Variants in ADGB observed in about 807,000 individuals in gnomAD.
The protein encoded by ADGB is calpain-7-like protein.
A neutral mutation model predicts 210.5 loss-of-function variants in ADGB; 172 were observed. The observed-to-expected ratio is 0.82, with a 90% CI of 0.72 to 0.93. The LOEUF (loss-of-function observed/expected upper bound fraction) is 0.93, where lower values mean the gene tolerates loss of function less well. Among genes scored for constraint, ADGB ranks in the 40% least tolerant of loss-of-function variants. ADGB has a pLI of 0.00. For synonymous variants in ADGB, 658 were observed against 662.7 expected (o/e 0.99, Z 0.11); for missense variants, 2,025 against 1,964.8 (o/e 1.03, Z -0.58).
chr6:146,724,230 G>T lies in ADGB; in HGVS notation c.2140G>T (p.Ala714Ser). 1.3e-6 allele frequency: 2 copies of T among 1,551,094 alleles called. No homozygotes were observed. Among genetic ancestry groups the T allele is most frequent in the South Asian group, 2.4e-5 (2 of 83,872 alleles). Residue 714 changes from alanine to serine, a missense_variant, in exon 18 of 36, where the codon GCT becomes TCT. Transcript: ENST00000397944. ...TCCCATAGAGCCTGGACTTCTCACA[G>T]CTGAAACGTTTTCTTGGAAATCCCT... is the stretch of plus-strand genomic sequence containing the variant. ...SPPIEPGLLT[A>S]ETFSWKSLKP...
At chr6:146,801,587 A>C (rs1778133855) in intron 34 of ADGB, among the ~76,000 whole-genome samples, 1 of 152,246 alleles carries the variant, frequency 6.6e-6, no homozygotes, top group Admixed American at 6.5e-5. Context: ...CAATCACCTC[A>C]TCAAGTGGTG....
At chr6:146,606,033 A>G (rs1398851321) in intron 1 of ADGB, among the ~76,000 whole-genome samples, 1 of 152,180 alleles carries the variant, frequency 6.6e-6, no homozygotes, top group Non-Finnish European at 1.5e-5. Flanking sequence ...ACCAATTTAC[A>G]TACCCACCAC....
chr6:146,811,050 C>A (rs948049653), intron 35 of ADGB, among the ~76,000 whole-genome samples: 1 of 152,054 alleles, frequency 6.6e-6, no homozygotes, highest in African/African-American at 2.4e-5. Context: ...TACATCTGCC[C>A]ACTTGTATAT....
chr6:146,706,850 T>TTTG (rs1554235865), intron 13 of ADGB, among the ~76,000 whole-genome samples: 4 of 150,412 alleles, frequency 2.7e-5, no homozygotes, highest in African/African-American at 7.3e-5. Context: ...TTAGTGTTTT[T>TTTG]TTTTTTTTTT....
intron 4 of ADGB, among the ~76,000 whole-genome samples, chr6:146,654,871 T>A (rs940486936): frequency 1.3e-5 from 2 of 152,122 alleles, no homozygotes; most frequent in African/African-American, 4.8e-5. Context: ...CAATACAATA[T>A]TGTTAACTAC....
Position 146,599,016 on chromosome 6 carries a change from A to T in ADGB, c.-25A>T. ...CCCGCAGGCTCTTTGCTCAGAGCTC[A>T]GCCCTACATAGATCGGCTTCTGCCA... On this transcript the variant is annotated 5_prime_UTR_variant, in exon 1 of 36. Coordinates refer to ENST00000397944, the MANE Select transcript of ADGB (RefSeq NM_024694.4). The T allele has an allele frequency of 6.5e-7, 1 of 1,547,086 alleles. No homozygotes were observed. Among genetic ancestry groups the T allele is most frequent in the Non-Finnish European group, 8.7e-7 (1 of 1,142,880 alleles).
At chr6:146,727,975 G>T (rs142969726) in intron 19 of ADGB, among the ~76,000 whole-genome samples, 17 of 152,254 alleles carry the variant, frequency 1.1e-4, no homozygotes, top group African/African-American at 3.9e-4. Flanking sequence ...GGGGAAAAAA[G>T]TTGTTTTGTT....
At chr6:146,790,624 G>T (rs2114653361) in intron 33 of ADGB, among the ~76,000 whole-genome samples, 1 of 152,214 alleles carries the variant, frequency 6.6e-6, no homozygotes, top group East Asian at 1.9e-4. Flanking sequence ...TCAACATATT[G>T]GCTGTTGTGA....
chr6:146,709,960 C>A (rs912036042), intron 13 of ADGB, among the ~76,000 whole-genome samples: 1 of 151,964 alleles, frequency 6.6e-6, no homozygotes, highest in Non-Finnish European at 1.5e-5. Flanking sequence ...TTGCAGGGGG[C>A]AAATACAGGA....
intron 13 of ADGB, among the ~76,000 whole-genome samples, chr6:146,708,357 T>C (rs1326120350): frequency 6.6e-6 from 1 of 152,122 alleles, no homozygotes; most frequent in African/African-American, 2.4e-5. Context: ...ACCATTCTTT[T>C]CTTTCAGCTT....
chr6:146,602,697 C>A (rs547340917), intron 1 of ADGB, among the ~76,000 whole-genome samples: 169 of 152,304 alleles, frequency 1.1e-3, no homozygotes, highest in African/African-American at 4.0e-3. Flanking sequence ...CAGTACCAGT[C>A]CATGGCCTGT....
Position 146,756,283 on chromosome 6 carries a change from C to T in ADGB, c.3550+3569C>T, listed in dbSNP as rs183958809. 5.7e-4 allele frequency among the ~76,000 whole-genome samples: 87 copies of T among 152,202 alleles called. No homozygotes were observed. The East Asian group carries it at 7.9e-3, about 14-fold the overall frequency. On this transcript the variant is annotated intron_variant, in intron 27 of 35. Coordinates refer to ENST00000397944, the MANE Select transcript of ADGB (RefSeq NM_024694.4). ...AGTCTATAATACAAATCCTTCCTAC[C>T]ATTCTCCCCAGAGCTTTCTGCAAGA...
At chr6:146,666,401 T>C (rs1775937144) in intron 6 of ADGB, among the ~76,000 whole-genome samples, 1 of 152,072 alleles carries the variant, frequency 6.6e-6, no homozygotes, top group Non-Finnish European at 1.5e-5. Context: ...TTGCCATAGA[T>C]GAGACTGATC....
chr6:146,759,932 G>C (rs1419870493), intron 27 of ADGB, among the ~76,000 whole-genome samples: 2 of 151,556 alleles, frequency 1.3e-5, no homozygotes, highest in Non-Finnish European at 3.0e-5. Context: ...AATTTTAAGT[G>C]CTTTCCCATT....
At chr6:146,776,753 T>C (rs1328535996) in intron 29 of ADGB, among the ~76,000 whole-genome samples, 1 of 152,098 alleles carries the variant, frequency 6.6e-6, no homozygotes, top group East Asian at 1.9e-4. Context: ...TGTTAAGCAT[T>C]TAAAAAACCC....
intron 20 of ADGB, among the ~76,000 whole-genome samples, chr6:146,731,301 G>A (rs1230738483): frequency 6.6e-6 from 1 of 151,622 alleles, no homozygotes; most frequent in Non-Finnish European, 1.5e-5. Flanking sequence ...TCTTCAAGTT[G>A]GTAGCTGGTC....
chr6:146,774,542 A>G (rs1405566933), intron 29 of ADGB, among the ~76,000 whole-genome samples: 1 of 152,196 alleles, frequency 6.6e-6, no homozygotes, highest in African/African-American at 2.4e-5. Flanking sequence ...AAAATGAAGT[A>G]GGAAAATTTT....
At chr6:146,629,685 T>G (rs1203297610) in intron 1 of ADGB, among the ~76,000 whole-genome samples, 1 of 152,196 alleles carries the variant, frequency 6.6e-6, no homozygotes, top group Non-Finnish European at 1.5e-5. Flanking sequence ...TATTTTTATC[T>G]GTAGGCTTGT....
At chr6:146,658,210 T>C (rs374959511) in intron 5 of ADGB, among the ~76,000 whole-genome samples, 2 of 152,104 alleles carry the variant, frequency 1.3e-5, no homozygotes, top group Admixed American at 1.3e-4. Context: ...AAAATTGGAT[T>C]TTTGTTTTTT....
Sources: allele counts gnomAD v4.1 joint callset (sites outside exome capture counted in the v4.1 genomes callset), GRCh38; gene constraint gnomAD v4.1.1; transcripts MANE v1.5; gene names NCBI Gene and HGNC (gene_info 2026-07-23, HGNC 2026-07-21).